Variants in EPC1 observed in about 807,000 individuals in gnomAD.
The protein encoded by EPC1 is enhancer of polycomb 1, also known as enhancer of polycomb homolog 1.
Under a neutral mutation model 98.4 loss-of-function variants are expected in EPC1, and 12 were observed. The observed-to-expected ratio is 0.12, with a 90% CI of 0.08 to 0.20. The LOEUF (loss-of-function observed/expected upper bound fraction) is 0.20. Ranked by LOEUF, EPC1 falls within the 10% of genes least tolerant of loss-of-function variation. EPC1 has a pLI of 1.00. For missense variants in EPC1, 729 were observed against 990.5 expected (o/e 0.74, Z 3.54); for synonymous variants, 357 against 363.9 (o/e 0.98, Z 0.21).
intron 10 of EPC1, among the ~76,000 whole-genome samples, chr10:32,280,984 T>C (rs574162844): frequency 6.6e-6 from 1 of 152,282 alleles, no homozygotes; most frequent in African/African-American, 2.4e-5. Context: ...TGGCCTCATG[T>C]GATGGGGCCA....
chr10:32,346,627 G>T lies in EPC1; in HGVS notation c.153+136C>A. The T allele has an allele frequency of 4.4e-6, 4 of 905,522 alleles. No homozygotes were observed. In the East Asian group the frequency reaches 7.9e-5, roughly 18 times the overall value. The allele number at this position is 905,522 out of a possible 1,614,324, so 56.1% of individuals were successfully genotyped here. A position where few individuals can be genotyped will look rare whatever the true frequency, so the allele number is the denominator to read the frequency against. On this transcript the variant is annotated intron_variant, in intron 1 of 13. Coordinates refer to ENST00000319778, the MANE Select transcript of EPC1 (RefSeq NM_001272004.3). ...TCGAGGCTGGGGGAGGCGGGGTATA[G>T]GCCCGGCCGGCGACTGAGAGTCGGC...
chr10:32,358,164 G>C (rs1460239280), intron 1 of EPC1, among the ~76,000 whole-genome samples: 2 of 152,052 alleles, frequency 1.3e-5, no homozygotes, highest in Non-Finnish European at 2.9e-5. Context: ...CTACTTCTCA[G>C]TATAATTTGA....
intron 1 of EPC1, among the ~76,000 whole-genome samples, chr10:32,344,642 C>T (rs1233503101): frequency 6.6e-6 from 1 of 152,046 alleles, no homozygotes; most frequent in African/African-American, 2.4e-5. Context: ...AAAAATCGGC[C>T]GGGCGCGGTG....
At chr10:32,319,968 C>T (rs183176809) in intron 1 of EPC1, among the ~76,000 whole-genome samples, 239 of 152,184 alleles carry the variant, frequency 1.6e-3, no homozygotes, top group Non-Finnish European at 2.4e-3. Flanking sequence ...TGTGAGCCAC[C>T]GTGCCCAGCC....
intron 1 of EPC1, chr10:32,345,239 G>GA (rs1838684950): frequency 1.0e-6 from 1 of 985,418 alleles, no homozygotes; most frequent in African/African-American, 1.7e-5. Flanking sequence ...ACAATGTGCT[G>GA]AAAGTCAGTG....
At chr10:32,296,602 C>G (rs1034830158) in intron 2 of EPC1, among the ~76,000 whole-genome samples, 1 of 152,068 alleles carries the variant, frequency 6.6e-6, no homozygotes, top group Non-Finnish European at 1.5e-5. Context: ...TTATTCAGTG[C>G]AAACTCATAT....
intron 1 of EPC1, among the ~76,000 whole-genome samples, chr10:32,319,869 G>C (rs941749641): frequency 6.6e-6 from 1 of 152,112 alleles, no homozygotes; most frequent in Non-Finnish European, 1.5e-5. Context: ...AGTAGAGACA[G>C]AGTTTCACCA....
At chr10:32,270,091 C>T (rs1835765150) in intron 13 of EPC1, among the ~76,000 whole-genome samples, 1 of 152,210 alleles carries the variant, frequency 6.6e-6, no homozygotes, top group African/African-American at 2.4e-5. Flanking sequence ...GTATTTCACT[C>T]CACCTGCCAG....
chr10:32,378,750 C>A, exon 1 of EPC1: 1 of 401,146 alleles, frequency 2.5e-6, no homozygotes, highest in Non-Finnish European at 4.6e-6. Flanking sequence ...GCAGCACAGC[C>A]AGAAGACTCT....
chr10:32,378,615 GT>G, exon 1 of EPC1: 2 of 670,484 alleles, frequency 3.0e-6, no homozygotes, highest in African/African-American at 1.9e-5. Flanking sequence ...TCTTTAAAAT[GT>G]TTGGTAAATA....
intron 1 of EPC1, chr10:32,345,204 AAATT>A (rs1838682081): frequency 2.0e-6 from 2 of 985,228 alleles, no homozygotes; most frequent in Non-Finnish European, 2.4e-6. Flanking sequence ...CAAGTAAAAT[AAATT>A]AAGAGGTAGT....
At chr10:32,359,576 T>C (rs1292741505) in intron 1 of EPC1, among the ~76,000 whole-genome samples, 1 of 152,264 alleles carries the variant, frequency 6.6e-6, no homozygotes, top group African/African-American at 2.4e-5. Flanking sequence ...CAGCATAGCA[T>C]GGGCTTGCCA....
At chr10:32,285,437 G>C in intron 9 of EPC1, 1 of 188,172 alleles carries the variant, frequency 5.3e-6, no homozygotes, top group Non-Finnish European at 1.1e-5. Flanking sequence ...AAATATTTGA[G>C]ATCCACTACT....
intron 2 of EPC1, among the ~76,000 whole-genome samples, chr10:32,298,355 A>T (rs1835295332): frequency 6.6e-6 from 1 of 152,214 alleles, no homozygotes; most frequent in Non-Finnish European, 1.5e-5. Context: ...ACAAATAGTG[A>T]AAGGATATCT....
At chr10:32,348,892 G>T (rs1216158358), upstream of EPC1, among the ~76,000 whole-genome samples, 3 of 152,218 alleles carry the variant, frequency 2.0e-5, no homozygotes, top group Non-Finnish European at 4.4e-5. Flanking sequence ...AGTAGCAAGG[G>T]AAGACTTTTT....
At chr10:32,360,419 C>T (rs1376000287) in intron 1 of EPC1, among the ~76,000 whole-genome samples, 3 of 152,158 alleles carry the variant, frequency 2.0e-5, no homozygotes, top group African/African-American at 4.8e-5. Context: ...CTACTGTTTG[C>T]CTCAGGGTGA....
In EPC1 at chr10:32,293,163, A is replaced by G; in HGVS notation, c.491T>C (p.Leu164Pro). The G allele has an allele frequency of 6.2e-7, 1 of 1,613,202 alleles. No individual in the cohort carries two copies. Among genetic ancestry groups the G allele is most frequent in the Non-Finnish European group, 8.5e-7 (1 of 1,179,618 alleles). Residue 164 changes from leucine to proline, a missense_variant, in exon 4 of 14, where the codon CTA becomes CCA. By Grantham distance (98) the Leu-to-Pro change is moderately conservative (BLOSUM62 -3). Around this residue, in one of 6 missense-constraint regions of EPC1, gnomAD observed 94 missense variants for 125.1 expected, o/e 0.75. Transcript: ENST00000319778. ...TCTAATTAGTTCATCATCTTCTTTT[A>G]GCAGTAGTTTGGCTTCCTGCAGACT... Reference protein sequence around the residue: ...PVSLQEAKLLLKEDDELIREV... With the variant: ...PVSLQEAKLLPKEDDELIREV...
rs576829291 is a variant in EPC1, at chr10:32,333,161, C to T, written c.153+13602G>A. On this transcript the variant is annotated intron_variant, in intron 1 of 13. Transcript: ENST00000319778. ...ATCTAGACCATCCTGGCTAACATGGCGAAACCCCGTCTCTACTAAAAATAC... is the reference window on the plus strand; with the variant it reads ...ATCTAGACCATCCTGGCTAACATGGTGAAACCCCGTCTCTACTAAAAATAC... Among the ~76,000 whole-genome samples the T allele has an allele frequency of 9.5e-4, 144 of 152,118 alleles. 1 individual carries two copies. Among genetic ancestry groups the T allele is most frequent in the African/African-American group, 3.3e-3 (136 of 41,514 alleles).
chr10:32,368,736 T>G lies in EPC1; in HGVS notation c.3+9755A>C, dbSNP rs556360387. Among the ~76,000 whole-genome samples, 6 of 152,314 alleles carry G rather than the reference T, an allele frequency of 3.9e-5. No individual in the cohort carries two copies. The East Asian group carries it at 7.7e-4, about 20-fold the overall frequency. Reference sequence around the variant, plus strand: ...ATCCATACACCTGAATGCGGTAATCTTTTAAATTCGCGTCGCACTGTGTAA... The same window carrying G: ...ATCCATACACCTGAATGCGGTAATCGTTTAAATTCGCGTCGCACTGTGTAA... On this transcript the variant is annotated intron_variant, in intron 1 of 13. Coordinates refer to the EPC1 transcript ENST00000375110.
Sources: gnomAD v4.1 joint callset for allele counts (sites outside exome capture counted in the v4.1 genomes callset) on GRCh38, gnomAD v4.1.1 for gene constraint, gnomAD v4.1.1 regional missense constraint, MANE v1.5 for transcripts, NCBI Gene and HGNC (gene_info 2026-07-23, HGNC 2026-07-21) for gene names.